ANAPC1: variants seen among roughly 807,000 people sequenced by gnomAD.
ANAPC1 encodes anaphase-promoting complex subunit 1.
ANAPC1 carries 36 observed loss-of-function variants against 208.0 expected under a neutral mutation model. That is an observed-to-expected ratio of 0.17 (90% CI 0.13 to 0.23). ANAPC1 has a LOEUF of 0.23. ANAPC1 is among the 10% of genes least tolerant of loss of function. The pLI is 1.00. For synonymous variants in ANAPC1, 378 were observed against 695.2 expected (o/e 0.54, Z 7.18); for missense variants, 942 against 2,011.6 (o/e 0.47, Z 10.17).
intron 47 of ANAPC1, among the ~76,000 whole-genome samples, chr2:111,771,851 G>A (rs1361339926): frequency 6.6e-6 from 1 of 151,576 alleles, no homozygotes; most frequent in African/African-American, 2.4e-5. Flanking sequence ...CAGCTTAATG[G>A]ATAAATTTTT....
chr2:111,829,466 G>A (rs1391558961), intron 21 of ANAPC1, among the ~76,000 whole-genome samples: 3 of 152,104 alleles, frequency 2.0e-5, no homozygotes, highest in Non-Finnish European at 4.4e-5. Context: ...TGGTTCTCCT[G>A]CAAGCCTGGG....
chr2:111,772,550 T>G (rs1357593704), intron 46 of ANAPC1, 75 bp from the exon 47 acceptor site: 1 of 616,772 alleles, frequency 1.6e-6, no homozygotes, highest in East Asian at 3.2e-5. Context: ...TCTATTACTT[T>G]TTCATCAAGA....
At chr2:111,841,784 T>C (rs952897592) in intron 17 of ANAPC1, among the ~76,000 whole-genome samples, 17 of 152,038 alleles carry the variant, frequency 1.1e-4, no homozygotes, top group Admixed American at 2.6e-4. Flanking sequence ...GACTGGAACA[T>C]AGACAAAGGA....
At chr2:111,798,806 G>A (rs574302594) in intron 34 of ANAPC1, among the ~76,000 whole-genome samples, 100 of 150,770 alleles carry the variant, frequency 6.6e-4, no homozygotes, top group African/African-American at 2.1e-3. Context: ...AGGCCGAGGC[G>A]GGCAGATCAC....
At chr2:111,828,881 A>G (rs1325347410) in intron 21 of ANAPC1, among the ~76,000 whole-genome samples, 2 of 152,214 alleles carry the variant, frequency 1.3e-5, no homozygotes, top group East Asian at 3.8e-4. Flanking sequence ...TGGCAACATA[A>G]CAATGTGAAC....
At chr2:111,863,169 A>ATGT (rs1424217434) in intron 9 of ANAPC1, among the ~76,000 whole-genome samples, 4 of 152,098 alleles carry the variant, frequency 2.6e-5, no homozygotes, top group African/African-American at 9.7e-5. Flanking sequence ...GCTTCAAAAT[A>ATGT]TGACTCAGGA....
chr2:111,838,577 C>T, intron 17 of ANAPC1, 65 bp from the exon 18 acceptor site: 1 of 1,353,828 alleles, frequency 7.4e-7, no homozygotes, highest in Admixed American at 2.4e-5. Context: ...TGATCAACTT[C>T]AAGGATTCAG....
At chr2:111,819,225 C>T (rs1175081823) in intron 26 of ANAPC1, 2 of 984,914 alleles carry the variant, frequency 2.0e-6, no homozygotes, top group Admixed American at 6.2e-5. Context: ...ATAAACCCAG[C>T]CGACTCTCTC....
At position 111,772,767 on chromosome 2, in the gene ANAPC1, C is replaced by T. The variant is rs1423373213; in HGVS notation, c.5585-292G>A. ...GCAGTGGTCACTGTGGTTGTCTCCCCGAAATACCCCTTGTCACACCCTACC... is the reference window on the plus strand; with the variant it reads ...GCAGTGGTCACTGTGGTTGTCTCCCTGAAATACCCCTTGTCACACCCTACC... On this transcript the variant is annotated intron_variant, in intron 46 of 47. Transcript: ENST00000341068. Among the ~76,000 whole-genome samples, 5 of 152,204 alleles carry T rather than the reference C, an allele frequency of 3.3e-5. No homozygotes were observed. In the Middle Eastern group the frequency reaches 0.014, roughly 414 times the overall value.
intron 21 of ANAPC1, among the ~76,000 whole-genome samples, chr2:111,828,907 G>A (rs1679978305): frequency 6.6e-6 from 1 of 152,122 alleles, no homozygotes; most frequent in African/African-American, 2.4e-5. Flanking sequence ...CAACGCCACT[G>A]GATTGTACAC....
chr2:111,845,791 A>G (rs1403606511), intron 16 of ANAPC1, among the ~76,000 whole-genome samples: 1 of 151,914 alleles, frequency 6.6e-6, no homozygotes, highest in Non-Finnish European at 1.5e-5. Context: ...TGGCTAACAC[A>G]GTGAAACCCC....
At chr2:111,847,046 C>T (rs2104510255) in intron 16 of ANAPC1, 92 bp downstream of exon 16, 1 of 1,065,336 alleles carries the variant, frequency 9.4e-7, no homozygotes, top group East Asian at 2.4e-5. Context: ...GATCCAGTGG[C>T]TTCAAAAATG....
At chr2:111,825,466 C>T (rs1161172164) in intron 22 of ANAPC1, among the ~76,000 whole-genome samples, 2 of 152,074 alleles carry the variant, frequency 1.3e-5, no homozygotes, top group Non-Finnish European at 2.9e-5. Flanking sequence ...CTGCATTTGG[C>T]TGAAAAGAAT....
chr2:111,881,609 G>A (rs1343120611), intron 1 of ANAPC1, among the ~76,000 whole-genome samples: 2 of 152,280 alleles, frequency 1.3e-5, no homozygotes, highest in East Asian at 1.9e-4. Context: ...AACTGTTAAA[G>A]CCTTCATCAC....
Position 111,858,187 on chromosome 2 carries a change from T to C in ANAPC1, c.1358+119A>G, listed in dbSNP as rs1573477728. On this transcript the variant is annotated intron_variant, in intron 11 of 47. Transcript: ENST00000341068. ...ATACAGTAAAAACATGTTAATTTTA[T>C]GACATGTAAATTATTTCTAAATAAA... 6 of 671,936 alleles carry C rather than the reference T, an allele frequency of 8.9e-6. No homozygotes were observed. In the East Asian group the frequency reaches 1.8e-4, roughly 20 times the overall value. The allele number at this position is 671,936 out of a possible 1,614,324, so 41.6% of individuals were successfully genotyped here.
At chr2:111,829,160 GC>G (rs1679994193) in intron 21 of ANAPC1, among the ~76,000 whole-genome samples, 1 of 152,188 alleles carries the variant, frequency 6.6e-6, no homozygotes, top group Non-Finnish European at 1.5e-5. Flanking sequence ...GTTGCAGTGA[GC>G]CGAGATTGTG....
intron 29 of ANAPC1, among the ~76,000 whole-genome samples, chr2:111,806,098 T>C (rs1573363126): frequency 1.3e-5 from 2 of 151,564 alleles, no homozygotes; most frequent in Admixed American, 6.6e-5. Flanking sequence ...TCTTTTTAAA[T>C]TGCCAATTTA....
intron 11 of ANAPC1, among the ~76,000 whole-genome samples, chr2:111,858,092 T>C: frequency 6.6e-6 from 1 of 152,130 alleles, no homozygotes. Flanking sequence ...TTTATGGTGA[T>C]ATAAATCTTG....
chr2:111,787,161 A>C (rs1677603242), intron 39 of ANAPC1, among the ~76,000 whole-genome samples: 1 of 71,052 alleles, frequency 1.4e-5, no homozygotes, highest in Non-Finnish European at 2.9e-5. Context: ...AAAAAAAAAA[A>C]AAAGATTCTT....
Sources: gnomAD v4.1 joint callset for allele counts (sites outside exome capture counted in the v4.1 genomes callset) on GRCh38, gnomAD v4.1.1 for gene constraint, MANE v1.5 for transcripts, NCBI Gene and HGNC (gene_info 2026-07-23, HGNC 2026-07-21) for gene names.